NMNAT2: variants seen among roughly 807,000 people sequenced by gnomAD.
The protein encoded by NMNAT2 is nicotinamide/nicotinic acid mononucleotide adenylyltransferase 2.
Under a neutral mutation model 41.6 loss-of-function variants are expected in NMNAT2, and 11 were observed. That is an observed-to-expected ratio of 0.26 (90% CI 0.17 to 0.44). The LOEUF is 0.44. Ranked by LOEUF, NMNAT2 falls within the 20% of genes least tolerant of loss-of-function variation. The probability of loss-of-function intolerance (pLI) is 1.00; values close to 1 mark genes in which losing one functional copy is unlikely to be tolerated. For missense variants in NMNAT2, 288 were observed against 407.7 expected (o/e 0.71, Z 2.53); for synonymous variants, 148 against 151.2 (o/e 0.98, Z 0.16).
chr1:183,383,723 A>T (rs1294816977), intron 1 of NMNAT2, among the ~76,000 whole-genome samples: 1 of 152,202 alleles, frequency 6.6e-6, no homozygotes, highest in Non-Finnish European at 1.5e-5. Flanking sequence ...GTGTAACAGA[A>T]GTTACCTTTG....
chr1:183,404,332 C>A (rs1056177801), intron 1 of NMNAT2, among the ~76,000 whole-genome samples: 1 of 152,124 alleles, frequency 6.6e-6, no homozygotes, highest in African/African-American at 2.4e-5. Context: ...TCAGGTGATC[C>A]ACCTGCGTTG....
intron 1 of NMNAT2, among the ~76,000 whole-genome samples, chr1:183,395,064 C>A (rs917063497): frequency 6.6e-6 from 1 of 152,018 alleles, no homozygotes; most frequent in Non-Finnish European, 1.5e-5. Context: ...GCATACTGGC[C>A]CAGGAAAGAT....
chr1:183,352,694 T>G (rs1448031683), intron 1 of NMNAT2, among the ~76,000 whole-genome samples: 1 of 152,186 alleles, frequency 6.6e-6, no homozygotes, highest in Non-Finnish European at 1.5e-5. Context: ...GCCTGGTTAT[T>G]GTAAGTCCGT....
intron 1 of NMNAT2, among the ~76,000 whole-genome samples, chr1:183,307,267 G>T (rs1056028248): frequency 1.3e-5 from 2 of 151,604 alleles, no homozygotes; most frequent in Non-Finnish European, 2.9e-5. Flanking sequence ...CCAGACCCTG[G>T]TATCTTCTCT....
intron 1 of NMNAT2, among the ~76,000 whole-genome samples, chr1:183,306,324 A>G (rs967875885): frequency 1.3e-5 from 2 of 152,222 alleles, no homozygotes; most frequent in African/African-American, 2.4e-5. Context: ...TAGAAAAGGC[A>G]AAAGAATGGA....
At chr1:183,363,193 G>A (rs886666607) in intron 1 of NMNAT2, among the ~76,000 whole-genome samples, 1 of 152,128 alleles carries the variant, frequency 6.6e-6, no homozygotes, top group Non-Finnish European at 1.5e-5. Flanking sequence ...ATGGTGTGTT[G>A]GAAAGATCAC....
intron 10 of NMNAT2, among the ~76,000 whole-genome samples, chr1:183,260,598 A>G (rs1309201764): frequency 1.3e-5 from 2 of 152,110 alleles, no homozygotes; most frequent in African/African-American, 2.4e-5. Flanking sequence ...TGGGCAGATC[A>G]CTTGAGGTCA....
intron 8 of NMNAT2, among the ~76,000 whole-genome samples, chr1:183,263,749 A>C (rs1229304069): frequency 2.0e-5 from 3 of 152,234 alleles, no homozygotes. Flanking sequence ...CGGAGCTTGC[A>C]GTGAGCTGAG....
chr1:183,409,304 G>A (rs1649050388), intron 1 of NMNAT2, among the ~76,000 whole-genome samples: 1 of 152,042 alleles, frequency 6.6e-6, no homozygotes, highest in Non-Finnish European at 1.5e-5. Context: ...AATAGTCATG[G>A]AGAATGATAT....
At position 183,296,274 on chromosome 1, in the gene NMNAT2, T is replaced by C. The variant is rs565664197; in HGVS notation, c.86-2481A>G. 9.8e-5 allele frequency among the ~76,000 whole-genome samples: 15 copies of C among 152,318 alleles called. No homozygotes were observed. In the East Asian group the frequency reaches 2.7e-3, roughly 27 times the overall value. On this transcript the variant is annotated intron_variant, in intron 1 of 10. Transcript: ENST00000287713. ...TTTTAGTGATTATAAATAAAGCTGA[T>C]ATGACATTCATGTGCAGGTTTTTGT...
intron 1 of NMNAT2, among the ~76,000 whole-genome samples, chr1:183,383,901 G>C (rs1663855853): frequency 6.6e-6 from 1 of 152,164 alleles, no homozygotes; most frequent in South Asian, 2.1e-4. Context: ...GACTCTTTCA[G>C]ACTTTGCCTG....
chr1:183,379,870 G>C (rs1663764410), intron 1 of NMNAT2, among the ~76,000 whole-genome samples: 1 of 152,164 alleles, frequency 6.6e-6, no homozygotes, highest in Non-Finnish European at 1.5e-5. Flanking sequence ...GATAAACAGA[G>C]AACCCATTTC....
At chr1:183,348,203 G>C (rs1045310148) in intron 1 of NMNAT2, among the ~76,000 whole-genome samples, 6 of 152,096 alleles carry the variant, frequency 3.9e-5, no homozygotes, top group Non-Finnish European at 7.3e-5. Context: ...CCCAGCAAAG[G>C]CATCTTTTAG....
chr1:183,323,075 G>A (rs1437769953), intron 1 of NMNAT2, among the ~76,000 whole-genome samples: 1 of 152,120 alleles, frequency 6.6e-6, no homozygotes, highest in Admixed American at 6.6e-5. Context: ...GGGACTACAG[G>A]CATGAGCCAC....
intron 1 of NMNAT2, among the ~76,000 whole-genome samples, chr1:183,404,187 C>A (rs1178414612): frequency 2.0e-5 from 3 of 151,234 alleles, no homozygotes; most frequent in Non-Finnish European, 4.4e-5. Flanking sequence ...CAACCTCTGC[C>A]TCCCAGGTTC....
chr1:183,272,515 T>TG (rs1327884027), intron 8 of NMNAT2, among the ~76,000 whole-genome samples: 1 of 152,216 alleles, frequency 6.6e-6, no homozygotes, highest in Non-Finnish European at 1.5e-5. Flanking sequence ...GGTCAGAATT[T>TG]GCTGTGGGCT....
intron 1 of NMNAT2, among the ~76,000 whole-genome samples, chr1:183,388,440 T>C (rs1409540150): frequency 6.6e-6 from 1 of 152,246 alleles, no homozygotes; most frequent in Non-Finnish European, 1.5e-5. Flanking sequence ...TTCATGGCAT[T>C]GTAGGTAACT....
intron 1 of NMNAT2, among the ~76,000 whole-genome samples, chr1:183,393,161 T>C (rs1429022707): frequency 2.0e-5 from 3 of 152,224 alleles, no homozygotes; most frequent in Admixed American, 2.0e-4. Context: ...CTTCTCAGAC[T>C]AAATACACTT....
intron 1 of NMNAT2, among the ~76,000 whole-genome samples, chr1:183,305,708 T>C (rs1003060985): frequency 1.9e-4 from 26 of 138,632 alleles, no homozygotes; most frequent in Non-Finnish European, 1.4e-4. Flanking sequence ...AACAGTTTCC[T>C]TTACAGCCTT....
Sources: gnomAD v4.1 joint callset for allele counts (sites outside exome capture counted in the v4.1 genomes callset) on GRCh38, gnomAD v4.1.1 for gene constraint, MANE v1.5 for transcripts, NCBI Gene and HGNC (gene_info 2026-07-23, HGNC 2026-07-21) for gene names.